TTC34: variants seen among roughly 807,000 people sequenced by gnomAD.
TTC34 encodes the protein tetratricopeptide repeat protein 34.
Under a neutral mutation model 40.7 loss-of-function variants are expected in TTC34, and 44 were observed. The ratio of observed to expected loss-of-function variants is 1.08; its 90% CI spans 0.85 to 1.39. The LOEUF (loss-of-function observed/expected upper bound fraction) is 1.39, where lower values mean the gene tolerates loss of function less well. Ranked by LOEUF, TTC34 falls within the 40% of genes most tolerant of loss-of-function variation. The probability of loss-of-function intolerance (pLI) is 0.00; values close to 1 mark genes in which losing one functional copy is unlikely to be tolerated. For missense variants in TTC34, 884 were observed against 838.0 expected (o/e 1.05, Z -0.68); for synonymous variants, 422 against 398.6 (o/e 1.06, Z -0.70).
At chr1:2,644,466 T>C in exon 8 of TTC34, 1 of 1,533,140 alleles carries the variant, frequency 6.5e-7, no homozygotes, top group Non-Finnish European at 8.7e-7. Flanking sequence ...GGTGCCAGCT[T>C]CCTCGTAGCT....
At chr1:2,687,964 C>G (rs1350935640) in intron 6 of TTC34, among the ~76,000 whole-genome samples, 1 of 146,452 alleles carries the variant, frequency 6.8e-6, no homozygotes, top group Non-Finnish European at 1.5e-5. Flanking sequence ...ACAGCACGCG[C>G]ACCCCCAGGA....
chr1:2,654,252 CCAGGTGAGCATCTGACAG>C (rs1639259358), intron 6 of TTC34, among the ~76,000 whole-genome samples: 1 of 116,674 alleles, frequency 8.6e-6, no homozygotes, highest in Non-Finnish European at 1.9e-5. Context: ...ACCCACACCA[CCAGGTGAGCATCTGACAG>C]CCTGGAAAAG....
At chr1:2,767,448 G>A (rs1415453292) in intron 6 of TTC34, among the ~76,000 whole-genome samples, 180 of 147,736 alleles carry the variant, frequency 1.2e-3, no homozygotes, top group African/African-American at 4.1e-3. Context: ...TCACCTCCAG[G>A]TGAGCATCCG....
chr1:2,755,045 G>T (rs1641459838), intron 6 of TTC34, among the ~76,000 whole-genome samples: 1 of 69,228 alleles, frequency 1.4e-5, no homozygotes. Flanking sequence ...TGACAGCCTG[G>T]AACAGCACCC....
At chr1:2,751,992 C>G (rs1344914502) in intron 6 of TTC34, among the ~76,000 whole-genome samples, 1 of 95,020 alleles carries the variant, frequency 1.1e-5, no homozygotes, top group Non-Finnish European at 2.0e-5. Flanking sequence ...ATTTGACAGC[C>G]TGGAGCAGTG....
At chr1:2,683,747 C>T (rs1640190035) in intron 6 of TTC34, among the ~76,000 whole-genome samples, 3 of 148,258 alleles carry the variant, frequency 2.0e-5, no homozygotes, top group South Asian at 4.3e-4. Context: ...TGGAACAGCA[C>T]CCACACCCCC....
At chr1:2,685,219 T>C (rs372957240) in intron 6 of TTC34, among the ~76,000 whole-genome samples, 214 of 25,952 alleles carry the variant, frequency 8.2e-3, no homozygotes, top group Middle Eastern at 0.048. Context: ...GCATCTGACA[T>C]CGTGGAGCAG....
At chr1:2,751,693 A>G (rs1483546227) in intron 6 of TTC34, among the ~76,000 whole-genome samples, 4,013 of 11,740 alleles carry the variant, frequency 0.34, 236 homozygotes, top group East Asian at 0.41. Context: ...CACAACCCCA[A>G]GCGAGCATCC....
chr1:2,685,814 T>A (rs1640310626), intron 6 of TTC34, among the ~76,000 whole-genome samples: 2 of 146,612 alleles, frequency 1.4e-5, no homozygotes, highest in African/African-American at 5.1e-5. Flanking sequence ...GGTGAGCATC[T>A]GACAGACTGG....
intron 6 of TTC34, among the ~76,000 whole-genome samples, chr1:2,686,702 A>G (rs1570815169): frequency 6.8e-6 from 1 of 147,942 alleles, no homozygotes; most frequent in African/African-American, 2.5e-5. Context: ...CGCACGTGAC[A>G]GCCTGGAACA....
At chr1:2,647,167 G>A (rs900943357) in intron 6 of TTC34, among the ~76,000 whole-genome samples, 1 of 151,768 alleles carries the variant, frequency 6.6e-6, no homozygotes, top group African/African-American at 2.4e-5. Context: ...GGGATTTGTT[G>A]AGCTTCTTGG....
At chr1:2,677,768 A>ACT (rs1557601981) in intron 6 of TTC34, among the ~76,000 whole-genome samples, 2 of 83,004 alleles carry the variant, frequency 2.4e-5, no homozygotes, top group African/African-American at 8.8e-5. Flanking sequence ...AACAGCACCC[A>ACT]CACCCCCAGG....
intron 6 of TTC34, among the ~76,000 whole-genome samples, chr1:2,686,160 AC>A (rs1640334184): frequency 3.9e-5 from 2 of 50,766 alleles, no homozygotes; most frequent in Non-Finnish European, 7.0e-5. Context: ...AGCACGCATA[AC>A]CACAGGTGAA....
intron 6 of TTC34, chr1:2,776,080 A>G (rs1643129749): frequency 7.3e-6 from 1 of 136,306 alleles, no homozygotes; most frequent in Non-Finnish European, 1.5e-5. Context: ...ACAGAACCCC[A>G]CAACTTCAAA....
chr1:2,759,349 ACCC>A, intron 6 of TTC34, among the ~76,000 whole-genome samples: 1 of 17,744 alleles, frequency 5.6e-5, no homozygotes, highest in East Asian at 2.5e-3. Context: ...CTGGAGCAGC[ACCC>A]CACACACCCA....
intron 6 of TTC34, among the ~76,000 whole-genome samples, chr1:2,751,713 G>T (rs1467008325): frequency 1.3e-5 from 2 of 151,032 alleles, no homozygotes; most frequent in Non-Finnish European, 3.0e-5. Context: ...CGACAGCCTG[G>T]AGCAGCACCC....
chr1:2,748,875 C>A (rs1641229005), intron 6 of TTC34, among the ~76,000 whole-genome samples: 1 of 137,548 alleles, frequency 7.3e-6, no homozygotes, highest in Admixed American at 7.3e-5. Context: ...GGAGCAGCAC[C>A]CACACCTTCA....
In TTC34 at chr1:2,748,484, C is replaced by T. The variant is rs1641217722; in HGVS notation, c.2226+35125G>A. 2.2e-3 allele frequency among the ~76,000 whole-genome samples: 325 copies of T among 150,200 alleles called. 18 individuals are homozygous for T. Among genetic ancestry groups the T allele is most frequent in the African/African-American group, 7.6e-3 (306 of 40,480 alleles). ...AGCCTGGAAGAGCACCCCACATCCC[C>T]GGGTGAGCATCCGATAGCCTGGAGC... On this transcript the variant is annotated intron_variant, in intron 6 of 8. Coordinates refer to ENST00000401095, the Ensembl canonical transcript of TTC34.
intron 2 of TTC34, among the ~76,000 whole-genome samples, chr1:2,798,972 A>G (rs1198716802): frequency 8.4e-6 from 1 of 118,528 alleles, no homozygotes; most frequent in Non-Finnish European, 1.7e-5. Context: ...CCAGCCTCCC[A>G]GCCTCTCAGC....
Sources: gnomAD v4.1 joint callset for allele counts (sites outside exome capture counted in the v4.1 genomes callset) on GRCh38, gnomAD v4.1.1 for gene constraint, MANE v1.5 for transcripts, NCBI Gene and HGNC (gene_info 2026-07-23, HGNC 2026-07-21) for gene names.